SOCS5: variants seen among roughly 807,000 people sequenced by gnomAD.
SOCS5 encodes the protein CIS-6.
A neutral mutation model predicts 42.8 loss-of-function variants in SOCS5; 32 were observed. The ratio of observed to expected loss-of-function variants is 0.75; its 90% CI spans 0.56 to 1.01. SOCS5 has a LOEUF of 1.01. Among genes scored for constraint, SOCS5 ranks in the 50% least tolerant of loss-of-function variants. The probability of loss-of-function intolerance (pLI) is 0.00; values close to 1 mark genes in which losing one functional copy is unlikely to be tolerated. For synonymous variants in SOCS5, 283 were observed against 229.6 expected (o/e 1.23, Z -2.10); for missense variants, 627 against 653.0 (o/e 0.96, Z 0.43).
At chr2:46,713,748 G>C (rs780562522) in intron 1 of SOCS5, among the ~76,000 whole-genome samples, 1 of 151,868 alleles carries the variant, frequency 6.6e-6, no homozygotes, top group Non-Finnish European at 1.5e-5. Flanking sequence ...TTAGATCATT[G>C]ATTTTCGAAA....
chr2:46,701,419 T>C (rs1672341531), intron 1 of SOCS5, among the ~76,000 whole-genome samples: 1 of 152,148 alleles, frequency 6.6e-6, no homozygotes, highest in South Asian at 2.1e-4. Flanking sequence ...AGATGATATT[T>C]TGCAGATTAG....
chr2:46,746,016 G>A (rs1318224878), intron 1 of SOCS5, among the ~76,000 whole-genome samples: 2 of 151,576 alleles, frequency 1.3e-5, no homozygotes, highest in Admixed American at 6.6e-5. Flanking sequence ...GTTTTTAAAG[G>A]GTGGAGGAGG....
chr2:46,751,886 A>G (rs1052043408), intron 1 of SOCS5, among the ~76,000 whole-genome samples: 2 of 152,202 alleles, frequency 1.3e-5, no homozygotes, highest in Non-Finnish European at 2.9e-5. Context: ...ATGTTTTTAA[A>G]TGGTTAATGA....
intron 1 of SOCS5, among the ~76,000 whole-genome samples, chr2:46,737,741 C>T (rs1673284111): frequency 6.6e-6 from 1 of 152,090 alleles, no homozygotes; most frequent in African/African-American, 2.4e-5. Flanking sequence ...AATGGTGAGT[C>T]ATGCTTTACT....
rs144434901 is a variant in SOCS5 at position 46,749,233 on chromosome 2, C to G, written c.-12-9286C>G. The stretch of plus-strand genomic sequence containing the variant: ...GAACTGACTCAGCAATAATCTCTCC[C>G]TAGTCATAAAACAGCCTTACTTTTT... On this transcript the variant is annotated intron_variant, in intron 1 of 1. Transcript: ENST00000394861. 2.8e-3 allele frequency among the ~76,000 whole-genome samples: 434 copies of G among 152,300 alleles called. 2 individuals carry two copies. The Middle Eastern group carries it at 0.031, about 11-fold the overall frequency.
At chr2:46,751,708 T>A (rs983459507) in intron 1 of SOCS5, among the ~76,000 whole-genome samples, 1 of 152,032 alleles carries the variant, frequency 6.6e-6, no homozygotes, top group Non-Finnish European at 1.5e-5. Context: ...GATGATAATC[T>A]TAGAGTATTG....
chr2:46,761,695 AC>A lies in SOCS5; in HGVS notation c.*1556del, dbSNP rs1238434223. The A allele has an allele frequency of 6.0e-6, 1 of 166,774 alleles. No individual in the cohort carries two copies. Among genetic ancestry groups the A allele is most frequent in the East Asian group, 1.9e-4 (1 of 5,198 alleles). 10.3% of individuals were successfully genotyped at this position (166,774 alleles called of 1,614,324 possible). A position where few individuals can be genotyped will look rare whatever the true frequency, so the allele number is the denominator to read the frequency against. ...GTTTTTAAATAAGCATTAACTAACA[AC>A]CTTTCTATAGTTAATGCAGAGTTAA... On this transcript the variant is annotated 3_prime_UTR_variant, in exon 2 of 2. Coordinates refer to ENST00000394861, the MANE Select transcript of SOCS5 (RefSeq NM_144949.3).
chr2:46,739,285 T>C (rs2103738565), intron 1 of SOCS5, among the ~76,000 whole-genome samples: 1 of 152,294 alleles, frequency 6.6e-6, no homozygotes, highest in South Asian at 2.1e-4. Flanking sequence ...ACAGGAATGA[T>C]AGTTCGAAAG....
At chr2:46,727,343 C>T (rs1187155008) in intron 1 of SOCS5, among the ~76,000 whole-genome samples, 1 of 152,090 alleles carries the variant, frequency 6.6e-6, no homozygotes, top group Non-Finnish European at 1.5e-5. Flanking sequence ...TGTGTCATCT[C>T]AGTGTTGGTG....
chr2:46,709,703 A>T (rs763020226), intron 1 of SOCS5, among the ~76,000 whole-genome samples: 2 of 152,206 alleles, frequency 1.3e-5, no homozygotes, highest in African/African-American at 2.4e-5. Flanking sequence ...AGATGATTCA[A>T]GACTAAAATT....
intron 1 of SOCS5, among the ~76,000 whole-genome samples, chr2:46,721,437 T>C (rs1320389073): frequency 6.6e-6 from 1 of 152,190 alleles, no homozygotes; most frequent in African/African-American, 2.4e-5. Flanking sequence ...AGTTTTTTAA[T>C]TGCACCAAAT....
intron 1 of SOCS5, among the ~76,000 whole-genome samples, chr2:46,753,047 TATC>T (rs1673658553): frequency 6.6e-6 from 1 of 152,204 alleles, no homozygotes; most frequent in African/African-American, 2.4e-5. Flanking sequence ...CTTGCTCTCT[TATC>T]ATGGATTATG....
chr2:46,737,623 A>T (rs1292652526), intron 1 of SOCS5, among the ~76,000 whole-genome samples: 1 of 152,208 alleles, frequency 6.6e-6, no homozygotes, highest in Non-Finnish European at 1.5e-5. Flanking sequence ...TTCTACTAAA[A>T]TTATCTGATC....
chr2:46,759,600 G>C lies in SOCS5; in HGVS notation c.1070G>C (p.Trp357Ser). Residue 357 changes from tryptophan to serine, a missense_variant, in exon 2 of 2, where the codon TGG (tryptophan) becomes TCG (serine). By Grantham distance (177) the Trp-to-Ser change is radical (BLOSUM62 -3). Transcript: ENST00000394861. ...SHTHVSRQGA[W>S]KVHTQIDYIH... The stretch of plus-strand genomic sequence containing the variant: ...ACCCATGTTAGCAGACAGGGAGCTT[G>C]GAAAGTCCACACACAGATTGATTAC... The C allele has an allele frequency of 6.2e-7, 1 of 1,613,962 alleles. No homozygotes were observed. The highest frequency in any genetic ancestry group is 8.5e-7 in the Non-Finnish European group (1 of 1,179,876).
chr2:46,745,376 A>AT (rs1208638821), intron 1 of SOCS5, among the ~76,000 whole-genome samples: 4 of 152,182 alleles, frequency 2.6e-5, no homozygotes, highest in African/African-American at 9.7e-5. Context: ...TTGATTACAT[A>AT]TTTTTGTAGC....
rs903091081 is a variant in SOCS5 at position 46,750,355 on chromosome 2, CT to C, written c.-12-8155del. 7.3e-5 allele frequency among the ~76,000 whole-genome samples: 11 copies of C among 151,260 alleles called. 1 individual carries two copies. The highest frequency in any genetic ancestry group is 2.4e-4 in the African/African-American group (10 of 41,256). Reference sequence around the variant, plus strand: ...CTGGAAATGTAAAATTAAATACTTACTTTTTTTTTAATTAGAAAAAGAAATA... The same window carrying C: ...CTGGAAATGTAAAATTAAATACTTACTTTTTTTTAATTAGAAAAAGAAATA... On this transcript the variant is annotated intron_variant, in intron 1 of 1. Coordinates refer to ENST00000394861, the MANE Select transcript of SOCS5 (RefSeq NM_144949.3).
intron 1 of SOCS5, among the ~76,000 whole-genome samples, chr2:46,722,970 G>C (rs1359558325): frequency 7.2e-5 from 11 of 151,956 alleles, no homozygotes. Context: ...AGTGAACTCT[G>C]TTCAAGTCTT....
At chr2:46,756,469 C>G (rs754202230) in intron 1 of SOCS5, among the ~76,000 whole-genome samples, 21 of 152,192 alleles carry the variant, frequency 1.4e-4, no homozygotes, top group Non-Finnish European at 2.8e-4. Context: ...CTTCAAAAAA[C>G]AGGCCACAGG....
intron 1 of SOCS5, among the ~76,000 whole-genome samples, chr2:46,731,555 A>G (rs1442353179): frequency 3.3e-5 from 5 of 152,238 alleles, no homozygotes; most frequent in African/African-American, 1.2e-4. Flanking sequence ...TTACGCAAAA[A>G]TGTGATTCTT....
Sources: gnomAD v4.1 joint callset for allele counts (sites outside exome capture counted in the v4.1 genomes callset) on GRCh38, gnomAD v4.1.1 for gene constraint, MANE v1.5 for transcripts, NCBI Gene and HGNC (gene_info 2026-07-23, HGNC 2026-07-21) for gene names.